Variants in TUBGCP3 observed in about 807,000 individuals in gnomAD.
TUBGCP3 encodes the protein tubulin gamma complex component 3, also known as gamma-tubulin complex component 3.
In TUBGCP3, 50 loss-of-function variants were observed where a neutral mutation model predicts 123.1. The ratio of observed to expected loss-of-function variants is 0.41; its 90% CI spans 0.32 to 0.51. TUBGCP3 has a LOEUF of 0.51. Among genes scored for constraint, TUBGCP3 ranks in the 20% least tolerant of loss-of-function variants. TUBGCP3 has a pLI of 0.36. For synonymous variants in TUBGCP3, 405 were observed against 413.9 expected (o/e 0.98, Z 0.26); for missense variants, 882 against 1,127.0 (o/e 0.78, Z 3.11).
the TUBGCP3 span, chr13:112,604,324 G>T: frequency 6.6e-6 from 1 of 152,110 alleles, no homozygotes; most frequent in African/African-American, 2.4e-5. Flanking sequence ...TTGAGACAGG[G>T]TCTCACTCTG....
At chr13:112,580,066 A>C (rs1313317809) in intron 1 of TUBGCP3, among the ~76,000 whole-genome samples, 3 of 152,220 alleles carry the variant, frequency 2.0e-5, no homozygotes, top group Non-Finnish European at 4.4e-5. Flanking sequence ...GAAAGAAACA[A>C]GTCTCAAAAC....
chr13:112,509,026 A>G (rs1881489458), intron 17 of TUBGCP3, among the ~76,000 whole-genome samples: 2 of 152,262 alleles, frequency 1.3e-5, no homozygotes, highest in Middle Eastern at 3.4e-3. Flanking sequence ...CTGAATCCAG[A>G]CCTTCAGGAC....
At chr13:112,591,264 A>G (rs118133193), upstream of TUBGCP3, among the ~76,000 whole-genome samples, 3,738 of 152,342 alleles carry the variant, frequency 0.025, 65 homozygotes, top group Admixed American at 0.053. Context: ...TTTGGACTTC[A>G]TCTCAAATTG....
At chr13:112,489,831 C>T (rs1195121593) in intron 20 of TUBGCP3, 134 bp from the exon 21 acceptor site, 2 of 654,704 alleles carry the variant, frequency 3.1e-6, no homozygotes, top group Non-Finnish European at 5.3e-6. Context: ...AACACTTTCA[C>T]AATAATTTTC....
In TUBGCP3 at chr13:112,527,493, A is replaced by T; in HGVS notation, c.1336-9T>A. 1 of 1,588,346 alleles carries T rather than the reference A, an allele frequency of 6.3e-7. No homozygotes were observed. The highest frequency in any genetic ancestry group is 8.6e-7 in the Non-Finnish European group (1 of 1,156,952). On this transcript the variant is annotated splice_polypyrimidine_tract_variant and intron_variant, in intron 11 of 21. Transcript: ENST00000261965. ...TCTGATGCTACAAAAAACTGAAAGCAAAGGGGCATGGAAATGTTCAAGAGT... is the reference window on the plus strand; with the variant it reads ...TCTGATGCTACAAAAAACTGAAAGCTAAGGGGCATGGAAATGTTCAAGAGT...
At chr13:112,559,191 C>T in intron 4 of TUBGCP3, 131 bp downstream of exon 4, 1 of 664,108 alleles carries the variant, frequency 1.5e-6, no homozygotes, top group Middle Eastern at 2.9e-4. Context: ...GAAAAGAAAT[C>T]TCTTGACCTT....
intron 1 of TUBGCP3, among the ~76,000 whole-genome samples, chr13:112,575,923 A>G (rs933678518): frequency 1.3e-5 from 2 of 152,216 alleles, no homozygotes; most frequent in Non-Finnish European, 2.9e-5. Context: ...CTCCAGGGGT[A>G]GCCCAGCCCT....
chr13:112,506,584 A>C (rs1244015778), intron 17 of TUBGCP3, among the ~76,000 whole-genome samples: 1 of 152,182 alleles, frequency 6.6e-6, no homozygotes, highest in Admixed American at 6.5e-5. Flanking sequence ...CACAGCGTGC[A>C]CTCCACATAC....
the TUBGCP3 span, among the ~76,000 whole-genome samples, chr13:112,595,521 C>T: frequency 6.6e-6 from 1 of 152,090 alleles, no homozygotes; most frequent in Non-Finnish European, 1.5e-5. Context: ...GCAGCTCTGT[C>T]GTTTAGTGTA....
chr13:112,489,403 C>A (rs1205084034), intron 21 of TUBGCP3, among the ~76,000 whole-genome samples, 178 bp downstream of exon 21: 1 of 152,260 alleles, frequency 6.6e-6, no homozygotes, highest in Non-Finnish European at 1.5e-5. Context: ...TGCCCGGAGC[C>A]CAGGCATACC....
intron 21 of TUBGCP3, 61 bp downstream of exon 21, chr13:112,489,520 C>T: frequency 8.4e-7 from 1 of 1,193,826 alleles, no homozygotes; most frequent in Non-Finnish European, 1.3e-6. Flanking sequence ...GTGAAAGCAA[C>T]TGTCAGGTAC....
At chr13:112,502,322 C>T (rs1025583209) in intron 19 of TUBGCP3, among the ~76,000 whole-genome samples, 1 of 152,212 alleles carries the variant, frequency 6.6e-6, no homozygotes, top group African/African-American at 2.4e-5. Context: ...CACCGTGAGA[C>T]AGGCCGTGCT....
chr13:112,585,201 A>G lies in TUBGCP3; in HGVS notation c.76+2704T>C, dbSNP rs1293796268. On this transcript the variant is annotated intron_variant, in intron 1 of 21. Transcript: ENST00000261965. ...AATTGTAATATGTCATCAAAGAATA[A>G]GGTAATTAATCAAATATTCTATGGA... Among the ~76,000 whole-genome samples the G allele has an allele frequency of 3.3e-5, 5 of 152,352 alleles. No individual in the cohort carries two copies. The South Asian group carries it at 1.0e-3, about 32-fold the overall frequency.
intron 13 of TUBGCP3, among the ~76,000 whole-genome samples, chr13:112,525,405 T>C (rs1209542461): frequency 1.3e-5 from 2 of 152,220 alleles, no homozygotes; most frequent in Non-Finnish European, 2.9e-5. Context: ...CCTTTATTAC[T>C]GACTACTGGT....
chr13:112,490,809 C>T (rs1013767521), intron 20 of TUBGCP3, among the ~76,000 whole-genome samples: 15 of 152,174 alleles, frequency 9.9e-5, no homozygotes, highest in Admixed American at 5.2e-4. Context: ...AGCTGACCAT[C>T]GGTGCGTTTG....
In TUBGCP3 at chr13:112,554,097, T is replaced by C. The variant is rs754185429; in HGVS notation, c.926A>G (p.Asp309Gly). The change falls in exon 8 of 22, where the codon GAC (aspartate) becomes GGC (glycine). Residue 309 changes from aspartate to glycine, a missense_variant. Physicochemically the swap from Asp to Gly is moderately conservative, Grantham distance 94. Around this residue, in one of 3 missense-constraint regions of TUBGCP3, gnomAD observed 713 missense variants for 874.0 expected, o/e 0.82. Transcript: ENST00000261965. ...GAATGAGCGGTCCAGGCTCCTCTGG[T>C]CCGTGTATCTTCTGATTTTATTATG... Reference protein sequence around the residue: ...WLHNKIRRYTDQRSLDRSFGL... With the variant: ...WLHNKIRRYTGQRSLDRSFGL... The C allele has an allele frequency of 6.2e-7, 1 of 1,614,136 alleles. No homozygotes were observed. Among genetic ancestry groups the C allele is most frequent in the Non-Finnish European group, 8.5e-7 (1 of 1,180,020 alleles).
At chr13:112,540,983 CAA>C (rs1210085000) in intron 11 of TUBGCP3, among the ~76,000 whole-genome samples, 1 of 152,142 alleles carries the variant, frequency 6.6e-6, no homozygotes, top group African/African-American at 2.4e-5. Flanking sequence ...AAGAGTGCTT[CAA>C]AAAAGTTTCC....
chr13:112,489,435 G>T, intron 21 of TUBGCP3, 146 bp downstream of exon 21: 1 of 684,882 alleles, frequency 1.5e-6, no homozygotes, highest in Non-Finnish European at 2.6e-6. Context: ...GAGGGTCACA[G>T]GGTCCACCAT....
intron 1 of TUBGCP3, among the ~76,000 whole-genome samples, chr13:112,582,373 C>T (rs570488624): frequency 6.6e-6 from 1 of 152,312 alleles, no homozygotes; most frequent in African/African-American, 2.4e-5. Context: ...CACATAAGTA[C>T]CCAAGGCAGA....
Sources: gnomAD v4.1 joint callset for allele counts (sites outside exome capture counted in the v4.1 genomes callset) on GRCh38, gnomAD v4.1.1 for gene constraint, gnomAD v4.1.1 regional missense constraint, MANE v1.5 for transcripts, NCBI Gene and HGNC (gene_info 2026-07-23, HGNC 2026-07-21) for gene names.